CROCC: variants seen among roughly 807,000 people sequenced by gnomAD.
CROCC encodes ciliary rootlet coiled-coil, rootletin.
Under a neutral mutation model 245.2 loss-of-function variants are expected in CROCC, and 180 were observed. That is an observed-to-expected ratio of 0.73 (90% CI 0.65 to 0.83). The LOEUF is 0.83. Ranked by LOEUF, CROCC falls within the 40% of genes least tolerant of loss-of-function variation. The pLI, the probability that CROCC is intolerant of heterozygous loss-of-function variation, is 0.00. For synonymous variants in CROCC, 1,205 were observed against 1,241.6 expected (o/e 0.97, Z 0.62); for missense variants, 2,688 against 2,779.4 (o/e 0.97, Z 0.74).
chr1:16,948,376 C>A lies in CROCC; in HGVS notation c.2560C>A (p.Arg854=), dbSNP rs756811015. ...GCGGGAGCAGGAGCTGGAGCAGGCC[C>A]GGCGGGAGGCCCAGCGGCAAGTGGA... ...SGREQELEQA[R]REAQRQVEAL... is the part of the protein sequence containing the mutation. Residue 854 remains arginine, a synonymous_variant, in exon 18 of 37, where the codon CGG becomes AGG. Transcript: ENST00000375541. 6.3e-6 allele frequency: 10 copies of A among 1,577,858 alleles called. No individual in the cohort carries two copies. Among genetic ancestry groups the A allele is most frequent in the African/African-American group, 2.7e-5 (2 of 74,632 alleles).
rs2075887853 is a variant in CROCC, at chr1:16,939,930, C to T, written c.1645C>T (p.Leu549=). 6.2e-7 allele frequency: 1 copy of T among 1,612,624 alleles called. No individual in the cohort carries two copies. The highest frequency in any genetic ancestry group is 1.3e-5 in the African/African-American group (1 of 74,928). ...GCGCTATGAGGCAAGCCAGGACCTA[C>T]TGGGCACCCTGCGGAAGCAGCTTAG... The part of the protein sequence containing the change: ...RGRYEASQDL[L]GTLRKQLSDS... The change falls in exon 13 of 37, where the codon CTG becomes TTG. Residue 549 remains leucine, a synonymous_variant. Coordinates refer to ENST00000375541, the MANE Select transcript of CROCC (RefSeq NM_014675.5).
At chr1:16,946,172 G>C (rs1053592811) in intron 15 of CROCC, 87 bp from the exon 16 acceptor site, 1 of 1,429,316 alleles carries the variant, frequency 7.0e-7, no homozygotes. Flanking sequence ...GTCTCTGAGG[G>C]TCCATCTCTC....
intron 20 of CROCC, chr1:16,951,882 C>CTTTT (rs35956886): frequency 1.3e-5 from 2 of 156,504 alleles, no homozygotes; most frequent in South Asian, 3.9e-4. Context: ...CGGTAAAGCT[C>CTTTT]TTTTTTTTTT....
At chr1:16,925,898 T>C (rs1248017846) in intron 3 of CROCC, among the ~76,000 whole-genome samples, 2 of 152,250 alleles carry the variant, frequency 1.3e-5, no homozygotes, top group Non-Finnish European at 2.9e-5. Context: ...TTGTGGGTGG[T>C]GATGGGGCCC....
intron 12 of CROCC, 51 bp downstream of exon 12, chr1:16,939,193 G>T: frequency 7.8e-7 from 1 of 1,274,292 alleles, no homozygotes; most frequent in Non-Finnish European, 1.0e-6. Flanking sequence ...TGGGGGAGGG[G>T]CTCGCGCCCT....
rs759626853 is a variant in CROCC, at chr1:16,939,885, A to G, written c.1609-9A>G. 1.2e-6 allele frequency: 2 copies of G among 1,611,292 alleles called. No homozygotes were observed. Among genetic ancestry groups the G allele is most frequent in the Non-Finnish European group, 8.5e-7 (1 of 1,179,438 alleles). On this transcript the variant is annotated splice_polypyrimidine_tract_variant and intron_variant, in intron 12 of 36. Transcript: ENST00000375541. ...GCCCCCCCAGACTCTGTGACCCCCC[A>G]CACCCCAGGACATGCGTGGGCGCTA...
chr1:16,951,061 C>T lies in CROCC; in HGVS notation c.2945C>T (p.Ala982Val), dbSNP rs1271069074. The T allele has an allele frequency of 1.2e-6, 2 of 1,605,506 alleles. No homozygotes were observed. The highest frequency in any genetic ancestry group is 2.3e-5 in the East Asian group (1 of 44,392). Residue 982 changes from alanine (A) to valine (V), a missense_variant, in exon 20 of 37, where the codon GCC (alanine) becomes GTC (valine). Ala to Val is a moderately conservative substitution (Grantham distance 64, BLOSUM62 0). Transcript: ENST00000375541. ...GTGCAGGCTGAGCGGGAGGCCCAGG[C>T]CTCTCTGCGGGAGCAGCGGGCAGCT... ...KLVQAEREAQ[A>V]SLREQRAAHE...
Position 16,954,861 on chromosome 1 carries a change from A to G in CROCC, c.3449A>G (p.Asp1150Gly), listed in dbSNP as rs1205149941. The G allele has an allele frequency of 1.3e-6, 2 of 1,535,650 alleles. No homozygotes were observed. Among genetic ancestry groups the G allele is most frequent in the Admixed American group, 2.0e-5 (1 of 50,750 alleles). The change falls in exon 23 of 37, where the codon GAC becomes GGC. Residue 1150 changes from aspartate to glycine, a missense_variant. By Grantham distance (94) the Asp-to-Gly change is moderately conservative. Around this residue, in one of 9 missense-constraint regions of CROCC, gnomAD observed 1,218 missense variants for 1,286.3 expected, o/e 0.95. Coordinates refer to ENST00000375541, the MANE Select transcript of CROCC (RefSeq NM_014675.5). The surrounding 1 kb of genome is among the most constrained non-coding windows in gnomAD (Gnocchi z 4.4). ...EQARDLGKQR[D>G]SCLREAEELR... The stretch of plus-strand genomic sequence containing the variant: ...GCCCGAGACCTGGGCAAGCAGCGGG[A>G]CTCCTGTCTTCGCGAGGTGAGCAGC...
intron 3 of CROCC, among the ~76,000 whole-genome samples, chr1:16,929,205 T>C (rs1416094332): frequency 6.6e-6 from 1 of 152,284 alleles, no homozygotes; most frequent in Non-Finnish European, 1.5e-5. Context: ...GCTGTGTATA[T>C]GAGGGGGTTC....
Position 16,938,994 on chromosome 1 carries a change from TC to T in CROCC, c.1461del (p.Ser488ArgfsTer36). On this transcript the variant is annotated frameshift_variant, in exon 12 of 37. Transcript: ENST00000375541. LOFTEE classifies it high-confidence loss of function. ...GCTTCCAACGGCAGCCTGCGGGGGC[TC>T]TCGGGCCAGCGGACCCCGTCCCCAC... is the stretch of plus-strand genomic sequence containing the variant. ...ADASNGSLRG[L>X]SGQRTPSPPR... 6.2e-7 allele frequency: 1 copy of T among 1,603,708 alleles called. No individual in the cohort carries two copies. The highest frequency in any genetic ancestry group is 8.5e-7 in the Non-Finnish European group (1 of 1,176,720).
chr1:16,938,538 C>A, intron 11 of CROCC, 55 bp downstream of exon 11: 1 of 1,477,672 alleles, frequency 6.8e-7, no homozygotes, highest in Non-Finnish European at 9.2e-7. Context: ...CCCAGGCTCC[C>A]CCGCCACGTC....
Position 16,970,313 on chromosome 1 carries a change from G to A in CROCC, c.5512G>A (p.Asp1838Asn), listed in dbSNP as rs779325348. 3 of 1,586,414 alleles carry A rather than the reference G, an allele frequency of 1.9e-6. No homozygotes were observed. The highest frequency in any genetic ancestry group is 2.6e-6 in the Non-Finnish European group (3 of 1,167,570). Residue 1838 changes from aspartate (D) to asparagine (N), a missense_variant, in exon 34 of 37, where the codon GAC becomes AAC. By Grantham distance (23) the Asp-to-Asn change is conservative. Around this residue, in one of 9 missense-constraint regions of CROCC, gnomAD observed 1,218 missense variants for 1,286.3 expected, o/e 0.95. Transcript: ENST00000375541. ...CCTGAACACCGTCCAGAAGCTGCAA[G>A]ACGAGCGGCGGCTGCTGCAGGAGCG... is the stretch of plus-strand genomic sequence containing the variant. ...AALNTVQKLQ[D>N]ERRLLQERLG...
rs1487298576 is a variant in CROCC at position 16,954,665 on chromosome 1, A to T, written c.3322-69A>T. ...AGAGCTAAAAGTGGACAGTGCACTG[A>T]GCGGGTTGGGAGCAGCCCGGGGCTG... On this transcript the variant is annotated intron_variant, in intron 22 of 36. Coordinates refer to ENST00000375541, the MANE Select transcript of CROCC (RefSeq NM_014675.5). The surrounding 1 kb of genome is among the most constrained non-coding windows in gnomAD (Gnocchi z 4.4). 9 of 1,482,192 alleles carry T rather than the reference A, an allele frequency of 6.1e-6. No homozygotes were observed. The highest frequency in any genetic ancestry group is 8.1e-6 in the Non-Finnish European group (9 of 1,109,758). 91.8% of individuals were successfully genotyped at this position (1,482,192 alleles called of 1,614,324 possible).
intron 30 of CROCC, among the ~76,000 whole-genome samples, chr1:16,967,329 G>T (rs1466160445): frequency 6.6e-6 from 1 of 152,198 alleles, no homozygotes; most frequent in African/African-American, 2.4e-5. Flanking sequence ...GGTGGTGACA[G>T]TGCAGCCAAA....
intron 23 of CROCC, 116 bp from the exon 24 acceptor site, chr1:16,955,196 C>CAAA (rs2076228976): frequency 2.1e-6 from 2 of 969,192 alleles, no homozygotes; most frequent in Admixed American, 4.3e-5. Context: ...AGCCTGCGGT[C>CAAA]TGAGCACTGC....
intron 1 of CROCC, among the ~76,000 whole-genome samples, chr1:16,915,075 T>A (rs2075287499): frequency 6.6e-6 from 1 of 151,168 alleles, no homozygotes; most frequent in Non-Finnish European, 1.5e-5. Context: ...GACTTAACCC[T>A]CCCCTCCCCA....
chr1:16,970,241 C>T lies in CROCC; in HGVS notation c.5452-12C>T, dbSNP rs1166093951. On this transcript the variant is annotated splice_polypyrimidine_tract_variant and intron_variant, in intron 33 of 36. Coordinates refer to ENST00000375541, the MANE Select transcript of CROCC (RefSeq NM_014675.5). Reference sequence around the variant, plus strand: ...CCAGAGGGATTCGGGGCCTGCCTGGCTTCTGTTGCAGGTGCTGCGGCAGCG... The same window carrying T: ...CCAGAGGGATTCGGGGCCTGCCTGGTTTCTGTTGCAGGTGCTGCGGCAGCG... 11 of 1,539,260 alleles carry T rather than the reference C, an allele frequency of 7.1e-6. No individual in the cohort carries two copies. The highest frequency in any genetic ancestry group is 8.8e-6 in the Non-Finnish European group (10 of 1,136,424).
intron 17 of CROCC, 122 bp from the exon 18 acceptor site, chr1:16,948,209 C>G: frequency 7.0e-7 from 1 of 1,429,512 alleles, no homozygotes; most frequent in Non-Finnish European, 9.1e-7. Context: ...CACATCAGGG[C>G]AGACCCTGGG....
chr1:16,955,870 C>T, intron 24 of CROCC, 127 bp from the exon 25 acceptor site: 2 of 1,212,510 alleles, frequency 1.6e-6, no homozygotes, highest in East Asian at 2.5e-5. Context: ...CAGGGCTTAG[C>T]TCTTCAGAGA....
Sources: gnomAD v4.1 joint callset for allele counts (sites outside exome capture counted in the v4.1 genomes callset) on GRCh38, gnomAD v4.1.1 for gene constraint, gnomAD v4.1.1 regional missense constraint, Gnocchi (gnomAD v3.1) non-coding constraint, MANE v1.5 for transcripts, NCBI Gene and HGNC (gene_info 2026-07-23, HGNC 2026-07-21) for gene names.